COL5A1: variants seen among roughly 807,000 people sequenced by gnomAD.
The protein encoded by COL5A1 is collagen type V alpha 1 chain.
COL5A1 carries 16 observed loss-of-function variants against 263.7 expected under a neutral mutation model. The ratio of observed to expected loss-of-function variants is 0.06; its 90% CI spans 0.04 to 0.09. The LOEUF (loss-of-function observed/expected upper bound fraction) is 0.09, where lower values mean the gene tolerates loss of function less well. Among genes scored for constraint, COL5A1 ranks in the 10% least tolerant of loss-of-function variants. The probability of loss-of-function intolerance (pLI) is 1.00; values close to 1 mark genes in which losing one functional copy is unlikely to be tolerated. For synonymous variants in COL5A1, 1,012 were observed against 1,004.5 expected (o/e 1.01, Z -0.14); for missense variants, 2,036 against 2,540.5 (o/e 0.80, Z 4.27).
intron 4 of COL5A1, among the ~76,000 whole-genome samples, chr9:134,706,837 G>A (rs538358867): frequency 1.4e-4 from 22 of 152,362 alleles, no homozygotes; most frequent in African/African-American, 5.0e-4. Context: ...CTTCCAGGAA[G>A]AGCCAGCATA....
chr9:134,730,528 G>A (rs1834843225), intron 7 of COL5A1, 53 bp downstream of exon 7: 18 of 1,610,470 alleles, frequency 1.1e-5, no homozygotes, highest in South Asian at 3.3e-5. Flanking sequence ...CCAAGGGCCA[G>A]GGCTGGGGCC....
intron 4 of COL5A1, chr9:134,709,220 G>T (rs1258848967): frequency 2.9e-6 from 1 of 346,092 alleles, no homozygotes; most frequent in Non-Finnish European, 5.7e-6. Flanking sequence ...CACAGAGCAC[G>T]TGTGCTTAAA....
chr9:134,696,551 G>A lies in COL5A1; in HGVS notation c.278-3358G>A, dbSNP rs1833475811. Among the ~76,000 whole-genome samples the A allele has an allele frequency of 6.6e-6, 1 of 152,110 alleles. No homozygotes were observed. Among genetic ancestry groups the A allele is most frequent in the South Asian group, 2.1e-4 (1 of 4,824 alleles). On this transcript the variant is annotated intron_variant, in intron 2 of 65. Transcript: ENST00000371817. The surrounding 1 kb of genome is among the most constrained non-coding windows in gnomAD (Gnocchi z 4.3). ...TGGGAGTATCACTTTCTGAGGTCAG[G>A]GACCATATCTGTCCTTTGACTGTGT...
At position 134,816,096 on chromosome 9, in the gene COL5A1, T is replaced by C. The variant is rs4841934; in HGVS notation, c.4122+108T>C. On this transcript the variant is annotated intron_variant, in intron 52 of 65. Coordinates refer to ENST00000371817, the MANE Select transcript of COL5A1 (RefSeq NM_000093.5). ...GGAAAAACTCCAACCTAGTTGATAT[T>C]GATTCCTTTATGATATCGATTCCCT... 0.57 allele frequency: 555,247 copies of C among 982,120 alleles called. 162,142 individuals carry two copies. The highest frequency in any genetic ancestry group is 0.85 in the African/African-American group (53,221 of 62,812). The allele number at this position is 982,120 out of a possible 1,614,324, so 60.8% of individuals were successfully genotyped here.
At chr9:134,828,119 G>T (rs1032806504) in intron 63 of COL5A1, among the ~76,000 whole-genome samples, 7 of 152,170 alleles carry the variant, frequency 4.6e-5, no homozygotes, top group African/African-American at 1.7e-4. Flanking sequence ...TCCACTCCAC[G>T]CCTGCAGCAA....
Position 134,822,147 on chromosome 9 carries a change from G to C in COL5A1, c.4605G>C (p.Leu1535=), listed in dbSNP as rs1839029188. ...TTGGGCCTCCTGGGCCCCCTGGCCT[G>C]CCGGTGTGTATCTGGGAGGGGCTTG... The part of the protein sequence containing the change: ...GPIGPPGPPG[L]PGPPGPKGAK... Residue 1535 remains leucine (L), a synonymous_variant, in exon 59 of 66, where the codon CTG becomes CTC. Coordinates refer to ENST00000371817, the MANE Select transcript of COL5A1 (RefSeq NM_000093.5). The C allele has an allele frequency of 1.2e-6, 2 of 1,612,930 alleles. No individual in the cohort carries two copies. The highest frequency in any genetic ancestry group is 1.7e-6 in the Non-Finnish European group (2 of 1,179,376).
At chr9:134,708,586 C>G (rs751216839) in intron 4 of COL5A1, 5 of 518,752 alleles carry the variant, frequency 9.6e-6, no homozygotes, top group African/African-American at 1.9e-5. Flanking sequence ...GCAGCCCAGA[C>G]CCCACCCTGG....
chr9:134,702,186 C>T (rs546357251), intron 4 of COL5A1, among the ~76,000 whole-genome samples: 1 of 152,178 alleles, frequency 6.6e-6, no homozygotes, highest in African/African-American at 2.4e-5. Context: ...GCCAGGACCC[C>T]TCCACTGGGC....
At chr9:134,806,111 A>G (rs1487944130) in intron 41 of COL5A1, 78 bp from the exon 42 acceptor site, 5 of 1,070,452 alleles carry the variant, frequency 4.7e-6, no homozygotes, top group Non-Finnish European at 7.1e-6. Context: ...AAGTGGAGTG[A>G]TCAGCTGGTG....
chr9:134,772,656 T>G, intron 25 of COL5A1, 134 bp from the exon 26 acceptor site: 1 of 1,013,806 alleles, frequency 9.9e-7, no homozygotes, highest in East Asian at 2.4e-5. Flanking sequence ...GCCTTCGACT[T>G]CTGGTGCTCT....
rs1392088057 is a variant in COL5A1, at chr9:134,759,872, GCA to G, written c.1935+1584_1935+1585del. Among the ~76,000 whole-genome samples, 13 of 53,220 alleles carry G rather than the reference GCA, an allele frequency of 2.4e-4. 2 individuals carry two copies. The highest frequency in any genetic ancestry group is 1.1e-3 in the African/African-American group (13 of 11,330). The allele number at this position is 53,220 out of a possible 152,430, so 34.9% of individuals were successfully genotyped here. On this transcript the variant is annotated intron_variant, in intron 18 of 65. Coordinates refer to ENST00000371817, the MANE Select transcript of COL5A1 (RefSeq NM_000093.5). ...CCCCCACACCCCCACACTCACACAT[GCA>G]CACACACCACACAGGCACACACACA...
intron 1 of COL5A1, among the ~76,000 whole-genome samples, chr9:134,663,484 G>A (rs963028277): frequency 1.3e-5 from 2 of 152,204 alleles, no homozygotes; most frequent in Non-Finnish European, 2.9e-5. Flanking sequence ...GGGCACTTGA[G>A]GGGGGAGGAT....
At chr9:134,676,161 T>G (rs1043653148) in intron 1 of COL5A1, among the ~76,000 whole-genome samples, 1 of 152,200 alleles carries the variant, frequency 6.6e-6, no homozygotes, top group African/African-American at 2.4e-5. Context: ...CCTTCACTGC[T>G]CCACCAAACC....
In COL5A1 at chr9:134,696,058, G is replaced by A. The variant is rs1256573011; in HGVS notation, c.278-3851G>A. On this transcript the variant is annotated intron_variant, in intron 2 of 65. Coordinates refer to ENST00000371817, the MANE Select transcript of COL5A1 (RefSeq NM_000093.5). This position sits in a 1 kb window ranked among gnomAD's most constrained non-coding sequence, Gnocchi z 4.3. ...CTGCCAGGGTCCAGCTGAAACCTCA[G>A]CCGCCCCCCAGGTTCCTGGCCCCCT... Among the ~76,000 whole-genome samples the A allele has an allele frequency of 6.6e-6, 1 of 152,158 alleles. No individual in the cohort carries two copies.
At chr9:134,804,846 C>A in intron 39 of COL5A1, 129 bp from the exon 40 acceptor site, 1 of 798,276 alleles carries the variant, frequency 1.3e-6, no homozygotes. Flanking sequence ...TGGCCTCGCT[C>A]TGGGACTGGT....
intron 64 of COL5A1, chr9:134,830,274 C>G: frequency 7.7e-7 from 1 of 1,290,814 alleles, no homozygotes; most frequent in Non-Finnish European, 1.1e-6. Context: ...ATGTGTGCCA[C>G]ACCGCTCTTG....
intron 4 of COL5A1, among the ~76,000 whole-genome samples, chr9:134,719,814 G>C (rs1834391667): frequency 6.6e-6 from 1 of 152,220 alleles, no homozygotes; most frequent in Non-Finnish European, 1.5e-5. Context: ...TCTGAAGAAG[G>C]TCGGAGGTGA....
rs769433136 is a variant in COL5A1 at position 134,796,837 on chromosome 9, T to A, written c.2845-11T>A. 6.2e-7 allele frequency: 1 copy of A among 1,613,996 alleles called. No individual in the cohort carries two copies. Among genetic ancestry groups the A allele is most frequent in the South Asian group, 1.1e-5 (1 of 91,086 alleles). On this transcript the variant is annotated splice_polypyrimidine_tract_variant and intron_variant, in intron 35 of 65. Transcript: ENST00000371817. ...CCTCTTGTCCTCAAACTGGCCTTTC[T>A]CTGTTCCCAGGGACCCAATGGACCC...
intron 28 of COL5A1, among the ~76,000 whole-genome samples, chr9:134,780,471 C>T (rs1444777948): frequency 6.6e-6 from 1 of 152,202 alleles, no homozygotes; most frequent in Non-Finnish European, 1.5e-5. Context: ...GGCCAGTGGA[C>T]ACCTGTCACC....
Sources: gnomAD v4.1 joint callset for allele counts (sites outside exome capture counted in the v4.1 genomes callset) on GRCh38, gnomAD v4.1.1 for gene constraint, Gnocchi (gnomAD v3.1) non-coding constraint, MANE v1.5 for transcripts, NCBI Gene and HGNC (gene_info 2026-07-23, HGNC 2026-07-21) for gene names.